Variants in DACH1 observed in about 807,000 individuals in gnomAD.
DACH1 encodes the protein dachshund family transcription factor 1, also known as dachshund homolog 1.
DACH1 carries 12 observed loss-of-function variants against 54.2 expected under a neutral mutation model. The observed-to-expected ratio is 0.22, with a 90% CI of 0.14 to 0.36. The LOEUF is 0.36. Ranked by LOEUF, DACH1 falls within the 10% of genes least tolerant of loss-of-function variation. The probability of loss-of-function intolerance (pLI) is 1.00; values close to 1 mark genes in which losing one functional copy is unlikely to be tolerated. For missense variants in DACH1, 805 were observed against 929.8 expected, an observed-to-expected ratio of 0.87 and a Z score of 1.75; for synonymous variants, 386 against 366.2, an observed-to-expected ratio of 1.05 and a Z score of -0.62.
chr13:71,817,438 T>C (rs1323908523), intron 1 of DACH1, among the ~76,000 whole-genome samples: 2 of 152,202 alleles, frequency 1.3e-5, no homozygotes, highest in Non-Finnish European at 2.9e-5. Context: ...ATTGAATACT[T>C]ATTGTTCTCT....
intron 10 of DACH1, among the ~76,000 whole-genome samples, chr13:71,442,405 C>T (rs930730902): frequency 4.6e-5 from 7 of 152,020 alleles, no homozygotes; most frequent in African/African-American, 2.4e-5. Context: ...TATTCTATTG[C>T]GTATGTGTAC....
chr13:71,554,813 C>T (rs1160078869), intron 6 of DACH1, among the ~76,000 whole-genome samples: 1 of 152,062 alleles, frequency 6.6e-6, no homozygotes. Flanking sequence ...TATATTATTT[C>T]AACAAATGCT....
At chr13:71,528,483 A>G (rs1234859180) in intron 6 of DACH1, among the ~76,000 whole-genome samples, 2 of 132,448 alleles carry the variant, frequency 1.5e-5, no homozygotes, top group Non-Finnish European at 3.1e-5. Flanking sequence ...GCTGGAGTGC[A>G]GTGGCGTGAT....
In DACH1 at chr13:71,573,031, TATC is replaced by T. The variant is rs771538744; in HGVS notation, c.1127-22_1127-20del. On this transcript the variant is annotated intron_variant, in intron 3 of 10. Coordinates refer to ENST00000613252, the MANE Select transcript of DACH1 (RefSeq NM_080759.6). ...TCCAGTCCTATAAAAAATGCACATA[TATC>T]ATCATTGCTCTGGAGGACATAAATC... is the stretch of plus-strand genomic sequence containing the variant. 1.2e-6 allele frequency: 2 copies of T among 1,610,430 alleles called. No homozygotes were observed. Among genetic ancestry groups the T allele is most frequent in the South Asian group, 2.2e-5 (2 of 90,664 alleles).
chr13:71,603,192 G>C (rs914887615), intron 3 of DACH1, among the ~76,000 whole-genome samples: 6 of 151,648 alleles, frequency 4.0e-5, no homozygotes, highest in African/African-American at 1.5e-4. Flanking sequence ...TTGACATATT[G>C]GATTAAAATC....
chr13:71,501,139 G>A (rs189465698), intron 6 of DACH1, among the ~76,000 whole-genome samples: 144 of 152,046 alleles, frequency 9.5e-4, no homozygotes, highest in African/African-American at 3.3e-3. Context: ...TGATTTTCCC[G>A]GCAATTCCCG....
intron 1 of DACH1, among the ~76,000 whole-genome samples, chr13:71,861,429 A>G (rs113703098): frequency 3.3e-4 from 50 of 152,134 alleles, no homozygotes; most frequent in East Asian, 9.6e-4. Flanking sequence ...TTTGGAAGAG[A>G]TTATCCAAAT....
intron 1 of DACH1, among the ~76,000 whole-genome samples, chr13:71,727,157 C>T (rs1231757865): frequency 6.6e-6 from 1 of 152,034 alleles, no homozygotes; most frequent in Admixed American, 6.6e-5. Context: ...AAAATCTAAT[C>T]CTGCATTCAT....
At chr13:71,831,400 G>T (rs966455754) in intron 1 of DACH1, among the ~76,000 whole-genome samples, 6 of 151,476 alleles carry the variant, frequency 4.0e-5, no homozygotes, top group South Asian at 4.2e-4. Context: ...AAATAGTAAG[G>T]TCCGAGAAAC....
intron 1 of DACH1, among the ~76,000 whole-genome samples, chr13:71,796,151 T>G (rs987248519): frequency 3.9e-5 from 6 of 152,150 alleles, no homozygotes; most frequent in African/African-American, 1.4e-4. Flanking sequence ...GCAAGTGACT[T>G]CACAATGGCC....
At chr13:71,575,819 T>C (rs1196012661) in intron 3 of DACH1, among the ~76,000 whole-genome samples, 2 of 152,096 alleles carry the variant, frequency 1.3e-5, no homozygotes, top group African/African-American at 4.8e-5. Context: ...TGTTAGCTCA[T>C]TTGGGTAATA....
At chr13:71,795,575 T>C (rs566605289) in intron 1 of DACH1, among the ~76,000 whole-genome samples, 4 of 152,266 alleles carry the variant, frequency 2.6e-5, no homozygotes, top group African/African-American at 7.2e-5. Flanking sequence ...AGAAAACATA[T>C]CATGTACCTT....
At chr13:71,590,875 CTTTTTTTTTT>C (rs71123234) in intron 3 of DACH1, among the ~76,000 whole-genome samples, 2 of 85,142 alleles carry the variant, frequency 2.3e-5, no homozygotes, top group African/African-American at 9.3e-5. Context: ...CTCTCTCTTT[CTTTTTTTTTT>C]TTTTTTTTTT....
chr13:71,671,876 C>T (rs537888619), intron 2 of DACH1, among the ~76,000 whole-genome samples: 23 of 152,180 alleles, frequency 1.5e-4, no homozygotes, highest in South Asian at 2.1e-4. Context: ...TTACGGAAGC[C>T]AATGTAGACT....
intron 3 of DACH1, among the ~76,000 whole-genome samples, chr13:71,584,465 G>A (rs866825445): frequency 2.0e-5 from 3 of 152,120 alleles, no homozygotes; most frequent in East Asian, 1.9e-4. Context: ...ATGGAAAGAC[G>A]ACTTGTCTTT....
chr13:71,475,936 T>A, intron 8 of DACH1, 87 bp from the exon 9 acceptor site: 1 of 1,045,342 alleles, frequency 9.6e-7, no homozygotes, highest in Non-Finnish European at 1.3e-6. Context: ...TTTTTTATAT[T>A]ATTCATTTTG....
chr13:71,866,696 G>A lies in DACH1; in HGVS notation c.74C>T (p.Ser25Phe). Reference protein sequence around the residue: ...PPQPPISTSASSSGTTTSTSS... With the variant: ...PPQPPISTSAFSSGTTTSTSS... ...GGTGGAGGTGGTGGTGCCAGAGGAG[G>A]AAGCAGACGTGGAGATTGGGGGTTG... The change falls in exon 1 of 11, where the codon TCC becomes TTC. Residue 25 changes from serine (S) to phenylalanine (F), a missense_variant. Ser to Phe is a radical substitution (Grantham distance 155, BLOSUM62 -2). Coordinates refer to ENST00000613252, the MANE Select transcript of DACH1 (RefSeq NM_080759.6). 1 of 1,457,626 alleles carries A rather than the reference G, an allele frequency of 6.9e-7. No homozygotes were observed. Among genetic ancestry groups the A allele is most frequent in the Non-Finnish European group, 9.1e-7 (1 of 1,098,820 alleles). 90.3% of individuals were successfully genotyped at this position (1,457,626 alleles called of 1,614,324 possible).
chr13:71,664,602 T>G (rs1323088606), intron 2 of DACH1, among the ~76,000 whole-genome samples: 1 of 152,022 alleles, frequency 6.6e-6, no homozygotes, highest in Non-Finnish European at 1.5e-5. Context: ...GAGTTGGCTG[T>G]AGTATATTTA....
chr13:71,676,710 T>G (rs1880597808), intron 2 of DACH1, among the ~76,000 whole-genome samples: 3 of 152,256 alleles, frequency 2.0e-5, no homozygotes, highest in African/African-American at 7.2e-5. Flanking sequence ...TCTCTAAATT[T>G]TTTTAAAGAT....
Sources: allele counts gnomAD v4.1 joint callset (sites outside exome capture counted in the v4.1 genomes callset), GRCh38; gene constraint gnomAD v4.1.1; transcripts MANE v1.5; gene names NCBI Gene and HGNC (gene_info 2026-07-23, HGNC 2026-07-21).